The following DLEC1 variants were observed in gnomAD, a reference collection of about 807,000 sequenced individuals.
The protein encoded by DLEC1 is DLEC1 cilia and flagella associated protein, also known as deleted in lung and esophageal cancer protein 1.
DLEC1 carries 146 observed loss-of-function variants against 198.1 expected under a neutral mutation model. That is an observed-to-expected ratio of 0.74 (90% confidence interval 0.64 to 0.85). DLEC1 has a LOEUF of 0.85. Among genes scored for constraint, DLEC1 ranks in the 40% least tolerant of loss-of-function variants. DLEC1 has a pLI of 0.00. For missense variants in DLEC1, 2,233 were observed against 2,220.0 expected, an observed-to-expected ratio of 1.01 and a Z score of -0.12; for synonymous variants, 897 against 866.8, an observed-to-expected ratio of 1.03 and a Z score of -0.61.
chr3:38,063,410 G>C (rs1450502850), intron 5 of DLEC1, among the ~76,000 whole-genome samples: 1 of 152,134 alleles, frequency 6.6e-6, no homozygotes, highest in Non-Finnish European at 1.5e-5. Context: ...GCTGCAGTGA[G>C]CCAAGATTGT....
rs778897237 is a variant in DLEC1 at position 38,097,544 on chromosome 3, T to C, written c.2472T>C (p.Thr824=). The C allele has an allele frequency of 1.1e-5, 17 of 1,614,052 alleles. No individual in the cohort carries two copies. The highest frequency in any genetic ancestry group is 1.7e-5 in the Admixed American group (1 of 60,010). Residue 824 remains threonine (T), a synonymous_variant, in exon 17 of 37, where the codon ACT becomes ACC. Coordinates refer to ENST00000308059, the MANE Select transcript of DLEC1 (RefSeq NM_007335.4). Reference sequence around the variant, plus strand: ...TCGGGGATTTTGAGTTGAACTTTACTGGGGGTGTCCCTGGCCCCACAAGCC... The same window carrying C: ...TCGGGGATTTTGAGTTGAACTTTACCGGGGGTGTCCCTGGCCCCACAAGCC... The part of the protein sequence containing the change: ...SEVGDFELNF[T]GGVPGPTSQD...
At chr3:38,067,095 G>A (rs547321780) in intron 6 of DLEC1, among the ~76,000 whole-genome samples, 14 of 152,368 alleles carry the variant, frequency 9.2e-5, no homozygotes, top group African/African-American at 2.9e-4. Flanking sequence ...TCCTGAGGCT[G>A]TAGATGAGGT....
chr3:38,101,575 A>G (rs1397882920), intron 19 of DLEC1, among the ~76,000 whole-genome samples: 1 of 152,162 alleles, frequency 6.6e-6, no homozygotes, highest in Non-Finnish European at 1.5e-5. Flanking sequence ...TTCATTGTAA[A>G]AACATTTAAA....
rs537728002 is a variant in DLEC1 at position 38,066,413 on chromosome 3, A to G, written c.1173+2494A>G. Among the ~76,000 whole-genome samples, 34 of 152,316 alleles carry G rather than the reference A, an allele frequency of 2.2e-4. No homozygotes were observed. In the South Asian group the frequency reaches 6.0e-3, roughly 27 times the overall value. On this transcript the variant is annotated intron_variant, in intron 6 of 36. Coordinates refer to ENST00000308059, the MANE Select transcript of DLEC1 (RefSeq NM_007335.4). ...TCTTTCTTGTACTCTCCTGATATCT[A>G]TAGGTAACTATTTCTATTAGTTTGC...
chr3:38,045,729 C>T (rs1431398465), intron 2 of DLEC1, 36 bp downstream of exon 2: 2 of 1,569,058 alleles, frequency 1.3e-6, no homozygotes, highest in East Asian at 2.3e-5. Flanking sequence ...CTGCCCAATT[C>T]CCGGGCTGTT....
chr3:38,109,871 G>A, intron 22 of DLEC1: 1 of 679,930 alleles, frequency 1.5e-6, no homozygotes, highest in Non-Finnish European at 2.4e-6. Flanking sequence ...TGGGAGCCAT[G>A]CCAGCATGCC....
chr3:38,061,794 A>G (rs1223451405), intron 3 of DLEC1, among the ~76,000 whole-genome samples: 1 of 152,134 alleles, frequency 6.6e-6, no homozygotes, highest in Non-Finnish European at 1.5e-5. Context: ...CAGCCTCCTG[A>G]GCATCTGGGA....
At chr3:38,052,500 C>A in intron 2 of DLEC1, 1 of 192,910 alleles carries the variant, frequency 5.2e-6, no homozygotes, top group South Asian at 1.0e-4. Flanking sequence ...ACGTTTATTG[C>A]GAGAGAAGCC....
At chr3:38,095,213 G>T in intron 13 of DLEC1, 142 bp downstream of exon 13, 1 of 999,232 alleles carries the variant, frequency 1.0e-6, no homozygotes, top group Non-Finnish European at 1.5e-6. Flanking sequence ...GCTGAGTTGG[G>T]TTGGAGTACA....
intron 26 of DLEC1, 121 bp from the exon 27 acceptor site, chr3:38,114,862 C>A: frequency 1.2e-6 from 1 of 841,812 alleles, no homozygotes; most frequent in Non-Finnish European, 1.9e-6. Context: ...CATTAATTCT[C>A]GAGTGAGGCC....
chr3:38,111,541 C>G, intron 23 of DLEC1, 136 bp from the exon 24 acceptor site: 2 of 768,568 alleles, frequency 2.6e-6, no homozygotes, highest in Non-Finnish European at 4.0e-6. Flanking sequence ...CTGACCAGCT[C>G]TCCCCTGGGA....
chr3:38,117,588 A>G lies in DLEC1; in HGVS notation c.4462A>G (p.Ile1488Val). The G allele has an allele frequency of 1.2e-6, 2 of 1,614,124 alleles. No homozygotes were observed. Among genetic ancestry groups the G allele is most frequent in the African/African-American group, 2.7e-5 (2 of 75,044 alleles). ...MEFQCQASDLIPEQPCSGVLS... is the reference protein window; with the variant it reads ...MEFQCQASDLVPEQPCSGVLS... ...ATTCCAGTGCCAGGCCAGTGACCTCATTCCCGAGCAGCCCTGCTCTGGGGT... is the reference window on the plus strand; with the variant it reads ...ATTCCAGTGCCAGGCCAGTGACCTCGTTCCCGAGCAGCCCTGCTCTGGGGT... Residue 1488 changes from isoleucine (I) to valine (V), a missense_variant, in exon 32 of 37, where the codon ATT (isoleucine) becomes GTT (valine). Coordinates refer to ENST00000308059, the MANE Select transcript of DLEC1 (RefSeq NM_007335.4).
chr3:38,118,473 A>C (rs761196814), intron 33 of DLEC1, among the ~76,000 whole-genome samples: 3 of 152,146 alleles, frequency 2.0e-5, no homozygotes, highest in Admixed American at 6.5e-5. Context: ...CTAACGTAAA[A>C]TTTCCTCTTC....
chr3:38,057,278 G>A (rs1270447472), intron 2 of DLEC1, among the ~76,000 whole-genome samples: 1 of 152,216 alleles, frequency 6.6e-6, no homozygotes, highest in African/African-American at 2.4e-5. Flanking sequence ...ATCACCTGAG[G>A]TCAGGAGTTT....
intron 2 of DLEC1, among the ~76,000 whole-genome samples, chr3:38,050,858 G>A (rs1303280588): frequency 6.6e-6 from 1 of 152,064 alleles, no homozygotes; most frequent in African/African-American, 2.4e-5. Flanking sequence ...TGTGATGGGG[G>A]AATGCATGTC....
chr3:38,093,899 T>C (rs1698875787), intron 12 of DLEC1, 132 bp downstream of exon 12: 2 of 1,195,644 alleles, frequency 1.7e-6, no homozygotes, highest in African/African-American at 1.5e-5. Flanking sequence ...CCAAATTCAA[T>C]TGAGGGATCC....
chr3:38,045,912 T>A (rs890609817), intron 2 of DLEC1, among the ~76,000 whole-genome samples: 2 of 152,230 alleles, frequency 1.3e-5, no homozygotes, highest in Non-Finnish European at 2.9e-5. Context: ...ATAACCAGCA[T>A]ATAACCCCCA....
chr3:38,112,343 G>T lies in DLEC1; in HGVS notation c.3648G>T (p.Trp1216Cys), dbSNP rs1475135393. Residue 1216 changes from tryptophan (W) to cysteine (C), a missense_variant, in exon 25 of 37, where the codon TGG becomes TGT. By Grantham distance (215) the Trp-to-Cys change is radical. Transcript: ENST00000308059. The surrounding 1 kb of genome is among the most constrained non-coding windows in gnomAD (Gnocchi z 4.8). ...TGCANMWGEYWDNLICTVGDL... is the reference protein window; with the variant it reads ...TGCANMWGEYCDNLICTVGDL... ...GTGCCAACATGTGGGGCGAGTACTG[G>T]GACAACCTCATCTGCACGGTAAGGG... 1 of 1,614,000 alleles carries T rather than the reference G, an allele frequency of 6.2e-7. No homozygotes were observed. The highest frequency in any genetic ancestry group is 1.3e-5 in the African/African-American group (1 of 74,908).
chr3:38,084,500 AGTG>A (rs1486404617), intron 7 of DLEC1, among the ~76,000 whole-genome samples: 1 of 32,892 alleles, frequency 3.0e-5, no homozygotes, highest in Admixed American at 3.1e-4. Context: ...TGGTAGTAGT[AGTG>A]GTAGTAGTAG....
Sources: allele counts gnomAD v4.1 joint callset (sites outside exome capture counted in the v4.1 genomes callset), GRCh38; gene constraint gnomAD v4.1.1; non-coding constraint Gnocchi (gnomAD v3.1); transcripts MANE v1.5; gene names NCBI Gene and HGNC (gene_info 2026-07-23, HGNC 2026-07-21).